The following NKAIN3 variants were observed in gnomAD, a reference collection of about 807,000 sequenced individuals.
The protein encoded by NKAIN3 is sodium/potassium transporting ATPase interacting 3, also known as sodium/potassium-transporting ATPase subunit beta-1-interacting protein 3.
Under a neutral mutation model 30.2 loss-of-function variants are expected in NKAIN3, and 25 were observed. The ratio of observed to expected loss-of-function variants is 0.83; its 90% CI spans 0.60 to 1.16. The LOEUF is 1.16. NKAIN3 is among the 50% of genes most tolerant of loss of function. NKAIN3 has a pLI of 0.00. For missense variants in NKAIN3, 225 were observed against 254.1 expected (o/e 0.89, Z 0.78); for synonymous variants, 91 against 89.6 (o/e 1.02, Z -0.09).
At chr8:62,446,503 G>A (rs1805490707) in intron 1 of NKAIN3, among the ~76,000 whole-genome samples, 1 of 151,992 alleles carries the variant, frequency 6.6e-6, no homozygotes, top group Non-Finnish European at 1.5e-5. Context: ...ATTTTTAAGT[G>A]TACACTCCAT....
rs1491118139 is a variant in NKAIN3, at chr8:62,500,472, A to AGAAG, written c.55-79064_55-79063insGGAA. On this transcript the variant is annotated intron_variant, in intron 1 of 6. Coordinates refer to ENST00000623646, the MANE Select transcript of NKAIN3 (RefSeq NM_001304533.3). The stretch of plus-strand genomic sequence containing the variant: ...AAGAAAGAAAGAAAGAAAGAAAGAA[A>AGAAG]GAAAGAAAGAAAGAAGAAAAGAAAG... 5.5e-3 allele frequency among the ~76,000 whole-genome samples: 690 copies of AGAAG among 126,112 alleles called. 8 individuals carry two copies. Among genetic ancestry groups the AGAAG allele is most frequent in the African/African-American group, 9.8e-3 (291 of 29,796 alleles). 82.7% of individuals were successfully genotyped at this position (126,112 alleles called of 152,430 possible). A position where few individuals can be genotyped will look rare whatever the true frequency, so the allele number is the denominator to read the frequency against.
intron 1 of NKAIN3, among the ~76,000 whole-genome samples, chr8:62,485,574 G>A (rs1806872987): frequency 6.6e-6 from 1 of 152,120 alleles, no homozygotes; most frequent in Non-Finnish European, 1.5e-5. Flanking sequence ...CAAGAAGTTT[G>A]GACTTTATTC....
At chr8:62,754,775 A>G (rs1816396146) in intron 4 of NKAIN3, among the ~76,000 whole-genome samples, 1 of 152,198 alleles carries the variant, frequency 6.6e-6, no homozygotes, top group Non-Finnish European at 1.5e-5. Context: ...TTAGACCACA[A>G]GGTATCCTGT....
chr8:62,823,719 T>C (rs1421619309), intron 4 of NKAIN3, among the ~76,000 whole-genome samples: 2 of 152,170 alleles, frequency 1.3e-5, no homozygotes, highest in Non-Finnish European at 2.9e-5. Context: ...GAGATTTGTA[T>C]ATTTAGGGCA....
chr8:62,825,061 C>T (rs1312478156), intron 4 of NKAIN3, among the ~76,000 whole-genome samples: 1 of 152,130 alleles, frequency 6.6e-6, no homozygotes, highest in Non-Finnish European at 1.5e-5. Flanking sequence ...GGTATTTCAG[C>T]AAAGAAAGCA....
intron 3 of NKAIN3, among the ~76,000 whole-genome samples, chr8:62,694,032 A>G (rs1419354678): frequency 6.6e-6 from 1 of 152,216 alleles, no homozygotes; most frequent in Non-Finnish European, 1.5e-5. Flanking sequence ...ATATGATCAA[A>G]TCAGGGTAAT....
chr8:62,951,472 G>A (rs927939060), intron 5 of NKAIN3, among the ~76,000 whole-genome samples: 1 of 151,898 alleles, frequency 6.6e-6, no homozygotes, highest in Middle Eastern at 3.2e-3. Context: ...TTTGTTTTGC[G>A]GAAAGGATCT....
rs149680174 is a variant in NKAIN3 at position 62,628,381 on chromosome 8, G to A, written c.273+38587G>A. ...TGGGTTTATCTGTGGTTTGCATAGC[G>A]AATTTTGCACAGCGAATTTTGCACA... On this transcript the variant is annotated intron_variant, in intron 3 of 6. Transcript: ENST00000623646. 6.3e-3 allele frequency among the ~76,000 whole-genome samples: 952 copies of A among 152,168 alleles called. 9 individuals are homozygous for A. The highest frequency in any genetic ancestry group is 0.021 in the African/African-American group (892 of 41,536).
At chr8:62,580,902 GTT>G (rs141562936) in intron 2 of NKAIN3, among the ~76,000 whole-genome samples, 55,322 of 123,980 alleles carry the variant, frequency 0.45, 11,741 homozygotes, top group Non-Finnish European at 0.56. Flanking sequence ...AGCAGCTAGG[GTT>G]TTTATATATA....
chr8:62,943,416 AG>A (rs1269690810), intron 5 of NKAIN3, among the ~76,000 whole-genome samples: 1 of 152,170 alleles, frequency 6.6e-6, no homozygotes, highest in Non-Finnish European at 1.5e-5. Flanking sequence ...TGTGGTGAAA[AG>A]GGAACACTTT....
chr8:62,802,553 C>A (rs1254598092), intron 4 of NKAIN3, among the ~76,000 whole-genome samples: 1 of 152,080 alleles, frequency 6.6e-6, no homozygotes, highest in Non-Finnish European at 1.5e-5. Flanking sequence ...ACTTTACAGA[C>A]AAGCAAATGT....
chr8:62,309,113 C>T (rs1814347630), intron 1 of NKAIN3, among the ~76,000 whole-genome samples: 1 of 150,486 alleles, frequency 6.6e-6, no homozygotes, highest in African/African-American at 2.5e-5. Flanking sequence ...ATGCCATGCT[C>T]AACCCATATA....
intron 3 of NKAIN3, among the ~76,000 whole-genome samples, chr8:62,687,482 G>A (rs924303378): frequency 2.0e-5 from 3 of 152,132 alleles, no homozygotes; most frequent in Non-Finnish European, 4.4e-5. Context: ...GACTGTGTCT[G>A]CCTAGATAAT....
Position 62,966,519 on chromosome 8 carries a change from C to T in NKAIN3, c.*1112C>T, listed in dbSNP as rs1309794141. The T allele has an allele frequency of 2.6e-6, 1 of 381,142 alleles. No homozygotes were observed. Among genetic ancestry groups the T allele is most frequent in the Middle Eastern group, 1.3e-3 (1 of 772 alleles). 23.6% of individuals were successfully genotyped at this position (381,142 alleles called of 1,614,324 possible). A position where few individuals can be genotyped will look rare whatever the true frequency, so the allele number is the denominator to read the frequency against. ...TTGAAAAATGTACATACCCATGTAA[C>T]CAAGGCCTCAATCAAAATGCAGAAC... is the stretch of plus-strand genomic sequence containing the variant. On this transcript the variant is annotated 3_prime_UTR_variant, in exon 7 of 7. Transcript: ENST00000623646.
In NKAIN3 at chr8:62,456,527, A is replaced by T. The variant is rs545545176; in HGVS notation, c.55-123012A>T. Among the ~76,000 whole-genome samples, 348 of 151,464 alleles carry T rather than the reference A, an allele frequency of 2.3e-3. 1 individual carries two copies. The highest frequency in any genetic ancestry group is 3.8e-3 in the Non-Finnish European group (258 of 67,580). On this transcript the variant is annotated intron_variant, in intron 1 of 6. Coordinates refer to ENST00000623646, the MANE Select transcript of NKAIN3 (RefSeq NM_001304533.3). ...GAGCGAGACTCCGTCTTAAAAAAAA[A>T]AAAAAATAAAAATAAGGAAATCTTT...
At chr8:62,574,948 A>G (rs1317770277) in intron 1 of NKAIN3, among the ~76,000 whole-genome samples, 2 of 152,126 alleles carry the variant, frequency 1.3e-5, no homozygotes, top group Admixed American at 1.3e-4. Flanking sequence ...TTAAAAAAAA[A>G]ACTGGGTGTA....
At chr8:62,452,255 C>T (rs530569627) in intron 1 of NKAIN3, among the ~76,000 whole-genome samples, 2 of 152,256 alleles carry the variant, frequency 1.3e-5, no homozygotes, top group South Asian at 4.2e-4. Context: ...GTGGGTGGAT[C>T]ACCTGAGGTC....
intron 1 of NKAIN3, among the ~76,000 whole-genome samples, chr8:62,370,198 G>A (rs1394675210): frequency 1.3e-5 from 2 of 151,866 alleles, no homozygotes; most frequent in African/African-American, 4.8e-5. Context: ...TGTCACACAA[G>A]GTCTAGAAAT....
chr8:62,364,578 C>G (rs1031807714), intron 1 of NKAIN3, among the ~76,000 whole-genome samples: 2 of 151,998 alleles, frequency 1.3e-5, no homozygotes, highest in African/African-American at 4.8e-5. Context: ...CTGGGTGGCT[C>G]AAGCCTGTAA....
Sources: gnomAD v4.1 joint callset for allele counts (sites outside exome capture counted in the v4.1 genomes callset) on GRCh38, gnomAD v4.1.1 for gene constraint, MANE v1.5 for transcripts, NCBI Gene and HGNC (gene_info 2026-07-23, HGNC 2026-07-21) for gene names.